ARHGAP44: variants seen among roughly 807,000 people sequenced by gnomAD.
ARHGAP44 encodes the protein Rho GTPase activating protein 44.
A neutral mutation model predicts 106.8 loss-of-function variants in ARHGAP44; 43 were observed. The ratio of observed to expected loss-of-function variants is 0.40; its 90% CI spans 0.32 to 0.52. The LOEUF (loss-of-function observed/expected upper bound fraction) is 0.52. Among genes scored for constraint, ARHGAP44 ranks in the 20% least tolerant of loss-of-function variants. The pLI, the probability that ARHGAP44 is intolerant of heterozygous loss-of-function variation, is 0.48. For synonymous variants in ARHGAP44, 439 were observed against 410.3 expected (o/e 1.07, Z -0.85); for missense variants, 866 against 1,050.5 (o/e 0.82, Z 2.43).
chr17:12,864,988 A>G (rs992631752), intron 1 of ARHGAP44, among the ~76,000 whole-genome samples: 7 of 152,198 alleles, frequency 4.6e-5, no homozygotes, highest in East Asian at 1.9e-4. Context: ...TAGACTTAAC[A>G]TGAATAACAA....
chr17:12,952,722 CTTTTTTTTTTTTTTTT>C (rs201371135), intron 13 of ARHGAP44, 141 bp downstream of exon 13: 5,727 of 306,472 alleles, frequency 0.019, 1 homozygote, highest in East Asian at 0.024. Context: ...TGCATGGTCT[CTTTTTTTTTTTTTTTT>C]TTTTTTTTTT....
At chr17:12,797,338 G>A (rs953838101) in intron 1 of ARHGAP44, among the ~76,000 whole-genome samples, 2 of 152,028 alleles carry the variant, frequency 1.3e-5, no homozygotes, top group African/African-American at 2.4e-5. Flanking sequence ...TAATACTTAC[G>A]CTTTTTAAAA....
Position 12,987,255 on chromosome 17 carries a change from G to A in ARHGAP44, c.2317+2347G>A, listed in dbSNP as rs1050023167. ...TCTCTGCATGTGGCTCAGACCATTT[G>A]CATGGCAGCTTCACTCTCCAGCCTT... On this transcript the variant is annotated intron_variant, in intron 20 of 20. Coordinates refer to ENST00000379672, the MANE Select transcript of ARHGAP44 (RefSeq NM_014859.6). 31 of 1,027,068 alleles carry A rather than the reference G, an allele frequency of 3.0e-5. No homozygotes were observed. The East Asian group carries it at 5.1e-4, about 17-fold the overall frequency. The allele number at this position is 1,027,068 out of a possible 1,614,324, so 63.6% of individuals were successfully genotyped here.
At chr17:12,887,846 T>C (rs2036925908) in intron 1 of ARHGAP44, among the ~76,000 whole-genome samples, 2 of 152,002 alleles carry the variant, frequency 1.3e-5, no homozygotes, top group African/African-American at 4.8e-5. Context: ...TTTCATATTA[T>C]GTGTATTGCA....
Position 12,956,048 on chromosome 17 carries a change from G to C in ARHGAP44, c.1250+68G>C. The C allele has an allele frequency of 2.7e-6, 3 of 1,125,262 alleles. No homozygotes were observed. In the South Asian group the frequency reaches 4.0e-5, roughly 15 times the overall value. 69.7% of individuals were successfully genotyped at this position (1,125,262 alleles called of 1,614,324 possible). On this transcript the variant is annotated intron_variant, in intron 14 of 20. Coordinates refer to ENST00000379672, the MANE Select transcript of ARHGAP44 (RefSeq NM_014859.6). ...CTGCAGGGCCTGAGCAGGGTGGGCA[G>C]GACAGCTGGGGCCTAGCTGAGCACC...
rs2040149818 is a variant in ARHGAP44, at chr17:12,991,526, T to C, written c.*1355T>C. Reference sequence around the variant, plus strand: ...CTCACTTCCTGGCAAGGGCAGGTCATGCCTCAATTTGTAATGGGAGTCTGG... The same window carrying C: ...CTCACTTCCTGGCAAGGGCAGGTCACGCCTCAATTTGTAATGGGAGTCTGG... On this transcript the variant is annotated 3_prime_UTR_variant, in exon 21 of 21. Transcript: ENST00000379672. 1 of 175,556 alleles carries C rather than the reference T, an allele frequency of 5.7e-6. No homozygotes were observed. Among genetic ancestry groups the C allele is most frequent in the East Asian group, 9.9e-5 (1 of 10,152 alleles). The allele number at this position is 175,556 out of a possible 1,614,324, so 10.9% of individuals were successfully genotyped here.
intron 1 of ARHGAP44, among the ~76,000 whole-genome samples, chr17:12,805,671 G>T (rs768133097): frequency 6.6e-6 from 1 of 152,214 alleles, no homozygotes; most frequent in South Asian, 2.1e-4. Context: ...ATGGTCCTTC[G>T]TTAAACAGAT....
intron 7 of ARHGAP44, 144 bp from the exon 8 acceptor site, chr17:12,940,912 C>T (rs1204597686): frequency 3.3e-6 from 2 of 601,078 alleles, no homozygotes; most frequent in Non-Finnish European, 5.6e-6. Context: ...TGCAAATGCC[C>T]ATGGAAAGTT....
At chr17:12,922,204 A>G (rs148351539) in intron 6 of ARHGAP44, among the ~76,000 whole-genome samples, 233 of 152,308 alleles carry the variant, frequency 1.5e-3, no homozygotes, top group African/African-American at 5.3e-3. Context: ...TGACTGTGGA[A>G]GAATGTCATC....
At chr17:12,816,137 G>C (rs975957468) in intron 1 of ARHGAP44, among the ~76,000 whole-genome samples, 1 of 152,132 alleles carries the variant, frequency 6.6e-6, no homozygotes, top group African/African-American at 2.4e-5. Context: ...TTGAAAAAGG[G>C]GAGCCTGCCA....
At chr17:12,818,169 A>AATGT (rs1027627030) in intron 1 of ARHGAP44, among the ~76,000 whole-genome samples, 11 of 151,958 alleles carry the variant, frequency 7.2e-5, no homozygotes, top group African/African-American at 2.4e-4. Context: ...TTACCCCAGT[A>AATGT]ATGTATGGTT....
chr17:12,873,177 G>A (rs2036452366), intron 1 of ARHGAP44, among the ~76,000 whole-genome samples: 1 of 151,930 alleles, frequency 6.6e-6, no homozygotes, highest in Admixed American at 6.6e-5. Flanking sequence ...ATTCCCATGA[G>A]GTGACTTTCC....
At chr17:12,842,494 G>T (rs886173783) in intron 1 of ARHGAP44, among the ~76,000 whole-genome samples, 1 of 151,934 alleles carries the variant, frequency 6.6e-6, no homozygotes, top group African/African-American at 2.4e-5. Context: ...TCCTGCTGAG[G>T]TTGAGAAGGC....
intron 18 of ARHGAP44, among the ~76,000 whole-genome samples, chr17:12,976,527 C>T (rs374637561): frequency 6.5e-4 from 96 of 148,236 alleles, no homozygotes; most frequent in South Asian, 1.1e-3. Context: ...GCAGGAGAAT[C>T]GCTTGAACCC....
At chr17:12,950,490 C>A (rs538471695) in intron 12 of ARHGAP44, among the ~76,000 whole-genome samples, 1 of 152,314 alleles carries the variant, frequency 6.6e-6, no homozygotes, top group South Asian at 2.1e-4. Flanking sequence ...AGCCCTGATG[C>A]ATGCTCTGGC....
chr17:12,870,473 G>C (rs1356054758), intron 1 of ARHGAP44, among the ~76,000 whole-genome samples: 1 of 152,132 alleles, frequency 6.6e-6, no homozygotes, highest in East Asian at 1.9e-4. Context: ...CCTATTTCCA[G>C]ACCTCCAGCA....
At chr17:12,988,777 G>C (rs75706370) in intron 20 of ARHGAP44, 1 of 151,974 alleles carries the variant, frequency 6.6e-6, no homozygotes, top group African/African-American at 2.4e-5. Flanking sequence ...GCTAAGTGAC[G>C]GCCAGAAACT....
intron 20 of ARHGAP44, among the ~76,000 whole-genome samples, chr17:12,989,644 C>G (rs1340736026): frequency 6.6e-6 from 1 of 152,184 alleles, no homozygotes; most frequent in Non-Finnish European, 1.5e-5. Flanking sequence ...TCCACTGTCT[C>G]ACGTCCTGTC....
At chr17:12,950,160 T>C (rs1449686988) in intron 12 of ARHGAP44, among the ~76,000 whole-genome samples, 1 of 152,170 alleles carries the variant, frequency 6.6e-6, no homozygotes, top group Non-Finnish European at 1.5e-5. Context: ...AGGACCTATA[T>C]TTGTGTGTAA....
Sources: allele counts gnomAD v4.1 joint callset (sites outside exome capture counted in the v4.1 genomes callset), GRCh38; gene constraint gnomAD v4.1.1; transcripts MANE v1.5; gene names NCBI Gene and HGNC (gene_info 2026-07-23, HGNC 2026-07-21).